The following PELI2 variants were observed in gnomAD, a reference collection of about 807,000 sequenced individuals.
PELI2 encodes the protein pellino E3 ubiquitin protein ligase family member 2.
A neutral mutation model predicts 42.3 loss-of-function variants in PELI2; 23 were observed. That is an observed-to-expected ratio of 0.54 (90% CI 0.39 to 0.77). PELI2 has a LOEUF of 0.77. Among genes scored for constraint, PELI2 ranks in the 30% least tolerant of loss-of-function variants. The pLI is 0.00. For synonymous variants in PELI2, 245 were observed against 212.2 expected (o/e 1.15, Z -1.34); for missense variants, 463 against 553.2 (o/e 0.84, Z 1.64).
intron 1 of PELI2, among the ~76,000 whole-genome samples, chr14:56,153,088 T>A (rs1300699132): frequency 6.6e-6 from 1 of 152,216 alleles, no homozygotes; most frequent in Non-Finnish European, 1.5e-5. Flanking sequence ...AAATATTGCA[T>A]GTTGTTTCTT....
At chr14:56,187,309 G>A (rs1315990297) in intron 2 of PELI2, among the ~76,000 whole-genome samples, 3 of 152,166 alleles carry the variant, frequency 2.0e-5, no homozygotes, top group African/African-American at 4.8e-5. Flanking sequence ...AATAAAAATG[G>A]AAGTTGCCTT....
At chr14:56,121,085 T>C (rs1883042503) in intron 1 of PELI2, among the ~76,000 whole-genome samples, 1 of 152,170 alleles carries the variant, frequency 6.6e-6, no homozygotes. Flanking sequence ...AGAATTAATA[T>C]CATCTTTATG....
At chr14:56,182,533 A>G (rs1031639820) in intron 2 of PELI2, among the ~76,000 whole-genome samples, 4 of 152,102 alleles carry the variant, frequency 2.6e-5, no homozygotes, top group Admixed American at 6.5e-5. Context: ...CCCTTCTCAG[A>G]TTATGCTTTA....
chr14:56,167,153 T>A (rs1233044210), intron 1 of PELI2, among the ~76,000 whole-genome samples: 1 of 152,240 alleles, frequency 6.6e-6, no homozygotes, highest in Non-Finnish European at 1.5e-5. Context: ...GGTATTCTTC[T>A]TTGGATTAAA....
chr14:56,126,033 A>C (rs369167854), intron 1 of PELI2, among the ~76,000 whole-genome samples: 6 of 152,200 alleles, frequency 3.9e-5, no homozygotes, highest in South Asian at 2.1e-4. Context: ...GCCCAAGTCA[A>C]AGTTTCCCTG....
chr14:56,231,575 A>G (rs1887573673), intron 2 of PELI2, among the ~76,000 whole-genome samples: 1 of 152,264 alleles, frequency 6.6e-6, no homozygotes, highest in South Asian at 2.1e-4. Context: ...ACAAAGACAC[A>G]ACATACCAGA....
chr14:56,297,353 C>T lies in PELI2; in HGVS notation c.*187C>T, dbSNP rs1890043779. The T allele has an allele frequency of 1.8e-6, 1 of 554,708 alleles. No homozygotes were observed. Among genetic ancestry groups the T allele is most frequent in the Non-Finnish European group, 3.2e-6 (1 of 312,334 alleles). 34.4% of individuals were successfully genotyped at this position (554,708 alleles called of 1,614,324 possible). A position where few individuals can be genotyped will look rare whatever the true frequency, so the allele number is the denominator to read the frequency against. ...AGATACCAGTGGTGTGTTGCATGCT[C>T]AAAACAGCAGCGTCGTCATTGAAGT... On this transcript the variant is annotated 3_prime_UTR_variant, in exon 6 of 6. Transcript: ENST00000267460.
At chr14:56,240,376 G>A (rs1411046566) in intron 2 of PELI2, among the ~76,000 whole-genome samples, 2 of 152,148 alleles carry the variant, frequency 1.3e-5, no homozygotes, top group African/African-American at 4.8e-5. Flanking sequence ...ATGATTGGAT[G>A]TGGGGCTTAA....
chr14:56,276,523 A>G (rs1281467684), intron 2 of PELI2, among the ~76,000 whole-genome samples: 1 of 152,158 alleles, frequency 6.6e-6, no homozygotes, highest in African/African-American at 2.4e-5. Flanking sequence ...TAGCATTACC[A>G]GAGGGAAATC....
chr14:56,232,597 C>T lies in PELI2; in HGVS notation c.208-47079C>T, dbSNP rs931150405. Among the ~76,000 whole-genome samples the T allele has an allele frequency of 4.6e-5, 7 of 151,858 alleles. No individual in the cohort carries two copies. In the South Asian group the frequency reaches 6.3e-4, roughly 14 times the overall value. ...AAACTCTCAATAAACTAGGTATCAACGGGACATATCTCAAAATAATAAGAG... is the reference window on the plus strand; with the variant it reads ...AAACTCTCAATAAACTAGGTATCAATGGGACATATCTCAAAATAATAAGAG... On this transcript the variant is annotated intron_variant, in intron 2 of 5. Transcript: ENST00000267460.
At chr14:56,229,322 C>G (rs534923088) in intron 2 of PELI2, among the ~76,000 whole-genome samples, 21 of 152,310 alleles carry the variant, frequency 1.4e-4, no homozygotes, top group Non-Finnish European at 2.9e-4. Context: ...CCTGAGTAGC[C>G]CAACTGGAAG....
chr14:56,120,781 G>T (rs1488530938), intron 1 of PELI2, among the ~76,000 whole-genome samples: 1 of 152,190 alleles, frequency 6.6e-6, no homozygotes, highest in Non-Finnish European at 1.5e-5. Context: ...TGATAAACTT[G>T]GAGAGTGACT....
intron 2 of PELI2, among the ~76,000 whole-genome samples, chr14:56,249,332 G>A (rs1031116996): frequency 6.6e-6 from 1 of 152,076 alleles, no homozygotes; most frequent in African/African-American, 2.4e-5. Flanking sequence ...CATATATCAT[G>A]CATTTGCCCA....
intron 2 of PELI2, among the ~76,000 whole-genome samples, chr14:56,251,185 A>G (rs1888330359): frequency 6.6e-6 from 1 of 152,194 alleles, no homozygotes; most frequent in Admixed American, 6.5e-5. Context: ...TCAGCTGCTC[A>G]CAGCGGGCAG....
At chr14:56,168,587 C>T (rs903732032) in intron 1 of PELI2, among the ~76,000 whole-genome samples, 3 of 152,002 alleles carry the variant, frequency 2.0e-5, no homozygotes, top group African/African-American at 4.8e-5. Flanking sequence ...CCCTTTGGTC[C>T]AGGGAAGGAC....
At chr14:56,179,901 T>C (rs536294069) in intron 2 of PELI2, among the ~76,000 whole-genome samples, 16 of 152,334 alleles carry the variant, frequency 1.1e-4, no homozygotes, top group African/African-American at 3.6e-4. Flanking sequence ...TTCGTGTTAA[T>C]ACAATGGCTG....
chr14:56,291,432 C>A (rs960401194), intron 5 of PELI2, among the ~76,000 whole-genome samples: 1 of 152,080 alleles, frequency 6.6e-6, no homozygotes, highest in African/African-American at 2.4e-5. Context: ...ATTTTTATTT[C>A]TATTTTACAC....
chr14:56,240,206 G>A, intron 2 of PELI2, among the ~76,000 whole-genome samples: 1 of 152,158 alleles, frequency 6.6e-6, no homozygotes, highest in East Asian at 1.9e-4. Context: ...CCGCCACTCG[G>A]GTGCAGTGTG....
At chr14:56,145,041 A>G (rs951428077) in intron 1 of PELI2, 9 of 754,442 alleles carry the variant, frequency 1.2e-5, no homozygotes, top group Non-Finnish European at 8.1e-6. Context: ...GTGTATTGCT[A>G]TGAAGAACTT....
Sources: allele counts gnomAD v4.1 joint callset (sites outside exome capture counted in the v4.1 genomes callset), GRCh38; gene constraint gnomAD v4.1.1; transcripts MANE v1.5; gene names NCBI Gene and HGNC (gene_info 2026-07-23, HGNC 2026-07-21).